SLC9A2: variants seen among roughly 807,000 people sequenced by gnomAD.
SLC9A2 encodes the protein solute carrier family 9 member A2, also known as sodium/hydrogen exchanger 2.
Under a neutral mutation model 71.7 loss-of-function variants are expected in SLC9A2, and 42 were observed. The ratio of observed to expected loss-of-function variants is 0.59; its 90% CI spans 0.46 to 0.76. SLC9A2 has a LOEUF of 0.76. Ranked by LOEUF, SLC9A2 falls within the 30% of genes least tolerant of loss-of-function variation. The pLI, the probability that SLC9A2 is intolerant of heterozygous loss-of-function variation, is 0.00. For missense variants in SLC9A2, 829 were observed against 1,017.4 expected (o/e 0.81, Z 2.52); for synonymous variants, 396 against 392.5 (o/e 1.01, Z -0.10).
chr2:102,683,533 G>A, intron 4 of SLC9A2, 55 bp downstream of exon 4: 2 of 1,363,198 alleles, frequency 1.5e-6, no homozygotes, highest in Non-Finnish European at 2.1e-6. Flanking sequence ...AATTGAATGG[G>A]GCTTTCCTTT....
chr2:102,695,226 G>A (rs1053981080), intron 7 of SLC9A2, 113 bp downstream of exon 7: 2 of 720,152 alleles, frequency 2.8e-6, no homozygotes, highest in Non-Finnish European at 2.4e-6. Flanking sequence ...TTGTACCATA[G>A]TATGTCCTCT....
intron 5 of SLC9A2, among the ~76,000 whole-genome samples, chr2:102,689,168 A>T (rs1677611179): frequency 6.6e-6 from 1 of 152,150 alleles, no homozygotes; most frequent in Non-Finnish European, 1.5e-5. Context: ...TCAGTTTTCC[A>T]CACCTCCTTG....
At chr2:102,678,862 C>A (rs1484259382) in intron 3 of SLC9A2, among the ~76,000 whole-genome samples, 3 of 152,174 alleles carry the variant, frequency 2.0e-5, no homozygotes, top group Non-Finnish European at 4.4e-5. Flanking sequence ...TGGTTTCATT[C>A]TTTCTATCCC....
chr2:102,652,996 A>C (rs575231943), intron 1 of SLC9A2, among the ~76,000 whole-genome samples: 84 of 152,344 alleles, frequency 5.5e-4, no homozygotes, highest in African/African-American at 2.0e-3. Context: ...GAACAATGAA[A>C]TTTAAGAAGC....
intron 1 of SLC9A2, among the ~76,000 whole-genome samples, chr2:102,651,084 G>T (rs939607905): frequency 6.6e-6 from 1 of 152,018 alleles, no homozygotes; most frequent in Non-Finnish European, 1.5e-5. Flanking sequence ...CCTTTATCCA[G>T]GTCAGCAGCA....
chr2:102,665,317 C>T lies in SLC9A2; in HGVS notation c.971C>T (p.Thr324Ile), dbSNP rs370904789. 2.9e-5 allele frequency: 46 copies of T among 1,613,654 alleles called. No homozygotes were observed. Among genetic ancestry groups the T allele is most frequent in the Non-Finnish European group, 3.6e-5 (43 of 1,179,748 alleles). Reference sequence around the variant, plus strand: ...CTGTACAGTTATTTGTCCTACATCACAGCTGAAATGTTTCACCTCTCAGGC... The same window carrying T: ...CTGTACAGTTATTTGTCCTACATCATAGCTGAAATGTTTCACCTCTCAGGC... ...VFLYSYLSYI[T>I]AEMFHLSGIM... Residue 324 changes from threonine to isoleucine, a missense_variant, in exon 3 of 12, where the codon ACA (threonine) becomes ATA (isoleucine). By Grantham distance (89) the Thr-to-Ile change is moderately conservative (BLOSUM62 -1). Coordinates refer to ENST00000233969, the MANE Select transcript of SLC9A2 (RefSeq NM_003048.6).
At chr2:102,650,442 G>A (rs1676810514) in intron 1 of SLC9A2, among the ~76,000 whole-genome samples, 1 of 152,098 alleles carries the variant, frequency 6.6e-6, no homozygotes, top group African/African-American at 2.4e-5. Context: ...GTATACCTAT[G>A]TAACAAACCT....
chr2:102,650,007 C>T (rs1253264195), intron 1 of SLC9A2, among the ~76,000 whole-genome samples: 1 of 152,184 alleles, frequency 6.6e-6, no homozygotes, highest in Non-Finnish European at 1.5e-5. Context: ...ACTATAAAGA[C>T]ACATGCACAC....
chr2:102,655,399 C>T (rs990067137), intron 1 of SLC9A2, among the ~76,000 whole-genome samples: 2 of 152,162 alleles, frequency 1.3e-5, no homozygotes, highest in Admixed American at 1.3e-4. Context: ...GATGATCCAC[C>T]TGCCTCGGCC....
chr2:102,629,867 T>A (rs904265380), intron 1 of SLC9A2, among the ~76,000 whole-genome samples: 1 of 152,088 alleles, frequency 6.6e-6, no homozygotes, highest in Non-Finnish European at 1.5e-5. Flanking sequence ...GGCTCAGTAG[T>A]CCTAGTGGTA....
chr2:102,667,985 G>C (rs1175285976), intron 3 of SLC9A2, among the ~76,000 whole-genome samples: 1 of 151,984 alleles, frequency 6.6e-6, no homozygotes, highest in Non-Finnish European at 1.5e-5. Context: ...TGAAGCAGGA[G>C]AATCACTTGA....
intron 7 of SLC9A2, among the ~76,000 whole-genome samples, chr2:102,698,296 G>C (rs1203442220): frequency 1.3e-5 from 2 of 152,124 alleles, no homozygotes; most frequent in African/African-American, 2.4e-5. Flanking sequence ...CTAGTATTTA[G>C]AACAAAGGAC....
intron 5 of SLC9A2, among the ~76,000 whole-genome samples, chr2:102,691,060 A>G (rs1169330606): frequency 6.6e-6 from 1 of 152,090 alleles, no homozygotes; most frequent in Non-Finnish European, 1.5e-5. Flanking sequence ...CCTCTGATAT[A>G]AATGGGAGCT....
chr2:102,683,637 CCTTTA>C (rs1345352238), intron 4 of SLC9A2, among the ~76,000 whole-genome samples, 159 bp downstream of exon 4: 1 of 152,134 alleles, frequency 6.6e-6, no homozygotes, highest in Non-Finnish European at 1.5e-5. Flanking sequence ...TCCTCTTCCT[CCTTTA>C]CTTTTTTCTC....
chr2:102,667,295 G>A (rs891095671), intron 3 of SLC9A2, among the ~76,000 whole-genome samples: 3 of 152,162 alleles, frequency 2.0e-5, no homozygotes, highest in African/African-American at 7.2e-5. Flanking sequence ...TAAAAAGAGT[G>A]TGGGGGCGGG....
chr2:102,630,317 A>C (rs1245483742), intron 1 of SLC9A2, among the ~76,000 whole-genome samples: 3 of 151,850 alleles, frequency 2.0e-5, no homozygotes, highest in Admixed American at 1.3e-4. Flanking sequence ...CTTTATTTTT[A>C]TTATACTATT....
At chr2:102,665,012 T>G in intron 2 of SLC9A2, 88 bp from the exon 3 acceptor site, 2 of 1,364,746 alleles carry the variant, frequency 1.5e-6, no homozygotes, top group Non-Finnish European at 2.0e-6. Context: ...ATGTCCTTAT[T>G]AGAAGTCCAG....
intron 1 of SLC9A2, among the ~76,000 whole-genome samples, chr2:102,655,641 T>C (rs1676924912): frequency 6.6e-6 from 1 of 152,224 alleles, no homozygotes; most frequent in African/African-American, 2.4e-5. Flanking sequence ...CCATCATATA[T>C]GTGGTCAATT....
rs144810366 is a variant in SLC9A2, at chr2:102,624,998, A to G, written c.289+4861A>G. 1.9e-3 allele frequency among the ~76,000 whole-genome samples: 284 copies of G among 152,274 alleles called. 1 individual carries two copies. Among genetic ancestry groups the G allele is most frequent in the African/African-American group, 6.6e-3 (274 of 41,552 alleles). ...TGGTTTTCCTGAGGCATATTCATCA[A>G]CTGGTTGGTCAATGGATGCAGCTCA... On this transcript the variant is annotated intron_variant, in intron 1 of 11. Coordinates refer to ENST00000233969, the MANE Select transcript of SLC9A2 (RefSeq NM_003048.6).
Sources: allele counts gnomAD v4.1 joint callset (sites outside exome capture counted in the v4.1 genomes callset), GRCh38; gene constraint gnomAD v4.1.1; transcripts MANE v1.5; gene names NCBI Gene and HGNC (gene_info 2026-07-23, HGNC 2026-07-21).